TRIM55: variants seen among roughly 807,000 people sequenced by gnomAD.
TRIM55 encodes the protein tripartite motif-containing protein 55.
TRIM55 carries 50 observed loss-of-function variants against 60.9 expected under a neutral mutation model. That is an observed-to-expected ratio of 0.82 (90% CI 0.65 to 1.04). TRIM55 has a LOEUF of 1.04. Among genes scored for constraint, TRIM55 ranks in the 50% least tolerant of loss-of-function variants. TRIM55 has a pLI of 0.00. For synonymous variants in TRIM55, 237 were observed against 238.1 expected, an observed-to-expected ratio of 1.00 and a Z score of 0.04; for missense variants, 681 against 666.9, an observed-to-expected ratio of 1.02 and a Z score of -0.23.
At chr8:66,150,927 A>C (rs1035475824) in intron 7 of TRIM55, among the ~76,000 whole-genome samples, 25 of 152,178 alleles carry the variant, frequency 1.6e-4, no homozygotes, top group African/African-American at 5.8e-4. Context: ...TGGCCTCCCA[A>C]AGTGCTGGGA....
chr8:66,126,973 C>T, upstream of TRIM55: 1 of 279,810 alleles, frequency 3.6e-6, no homozygotes, highest in African/African-American at 2.2e-5. Flanking sequence ...TCCTCCTTCC[C>T]ACCCACTCTC....
In TRIM55 at chr8:66,157,518, C is replaced by T. The variant is rs554899072; in HGVS notation, c.1524+3184C>T. On this transcript the variant is annotated intron_variant, in intron 9 of 9. Transcript: ENST00000315962. ...GTTAGAGTGCTAGAATTTCACATTT[C>T]ATCACTAGGCTTACCTTGAGTATTT... 1.2e-4 allele frequency among the ~76,000 whole-genome samples: 18 copies of T among 152,316 alleles called. No homozygotes were observed. The South Asian group carries it at 3.7e-3, about 32-fold the overall frequency.
chr8:66,165,800 A>G (rs969394819), intron 9 of TRIM55, among the ~76,000 whole-genome samples: 8 of 152,208 alleles, frequency 5.3e-5, no homozygotes, highest in Non-Finnish European at 8.8e-5. Flanking sequence ...ATAAGAAGCT[A>G]TGGTAGTGAG....
intron 8 of TRIM55, 59 bp from the exon 9 acceptor site, chr8:66,153,988 T>A: frequency 6.7e-7 from 1 of 1,502,282 alleles, no homozygotes; most frequent in Non-Finnish European, 9.0e-7. Context: ...TCAACTGCTT[T>A]TTCTTCTTCT....
Position 66,130,543 on chromosome 8 carries a change from G to C in TRIM55, c.341+2067G>C, listed in dbSNP as rs77412380. Among the ~76,000 whole-genome samples the C allele has an allele frequency of 8.1e-3, 1,164 of 143,046 alleles. 7 individuals are homozygous for C. Among genetic ancestry groups the C allele is most frequent in the African/African-American group, 0.03 (1,116 of 37,180 alleles). 93.8% of individuals were successfully genotyped at this position (143,046 alleles called of 152,430 possible). On this transcript the variant is annotated intron_variant, in intron 2 of 9. Coordinates refer to ENST00000315962, the MANE Select transcript of TRIM55 (RefSeq NM_184085.2). Reference sequence around the variant, plus strand: ...TATACAGAATGAAAAGAGTTCAGCTGTGGCTATTGGAAGGGGGTCGGGGGG... The same window carrying C: ...TATACAGAATGAAAAGAGTTCAGCTCTGGCTATTGGAAGGGGGTCGGGGGG...
chr8:66,113,620 CT>C, the TRIM55 span: 1 of 455,906 alleles, frequency 2.2e-6, no homozygotes, highest in Non-Finnish European at 4.4e-6. Context: ...GCCATTCGCC[CT>C]GCGGGAACGT....
At chr8:66,149,549 A>G (rs1286166555) in intron 4 of TRIM55, 96 bp from the exon 5 acceptor site, 7 of 966,258 alleles carry the variant, frequency 7.2e-6, no homozygotes, top group Middle Eastern at 2.2e-4. Flanking sequence ...AATATCCTAC[A>G]TAAGTAAATG....
the TRIM55 span, among the ~76,000 whole-genome samples, chr8:66,118,775 C>T: frequency 6.6e-6 from 1 of 152,164 alleles, no homozygotes; most frequent in African/African-American, 2.4e-5. Flanking sequence ...GGACTGATAA[C>T]AGAGCCTGGT....
Position 66,174,645 on chromosome 8 carries a change from C to A in TRIM55, c.*52C>A. The A allele has an allele frequency of 1.3e-6, 2 of 1,503,796 alleles. No individual in the cohort carries two copies. The highest frequency in any genetic ancestry group is 1.8e-6 in the Non-Finnish European group (2 of 1,129,268). 93.2% of individuals were successfully genotyped at this position (1,503,796 alleles called of 1,614,324 possible). A position where few individuals can be genotyped will look rare whatever the true frequency, so the allele number is the denominator to read the frequency against. On this transcript the variant is annotated 3_prime_UTR_variant, in exon 10 of 10. Coordinates refer to ENST00000315962, the MANE Select transcript of TRIM55 (RefSeq NM_184085.2). Reference sequence around the variant, plus strand: ...TCTGCCTGGCTGAGATGCATGTGGGCAGCAGGAAGCCCAAGTGAAATTAAT... The same window carrying A: ...TCTGCCTGGCTGAGATGCATGTGGGAAGCAGGAAGCCCAAGTGAAATTAAT...
At chr8:66,157,601 G>C (rs1237642578) in intron 9 of TRIM55, among the ~76,000 whole-genome samples, 2 of 152,156 alleles carry the variant, frequency 1.3e-5, no homozygotes, top group Non-Finnish European at 2.9e-5. Context: ...TTTACTAGGT[G>C]GTCCCGTGTC....
At chr8:66,113,898 G>C in the TRIM55 span, among the ~76,000 whole-genome samples, 8 of 152,220 alleles carry the variant, frequency 5.3e-5, no homozygotes, top group Admixed American at 5.2e-4. Context: ...CTGGGAATCA[G>C]AAAGAGAGAA....
intron 9 of TRIM55, 69 bp downstream of exon 9, chr8:66,154,403 C>A: frequency 1.3e-6 from 2 of 1,517,474 alleles, no homozygotes; most frequent in Admixed American, 2.0e-5. Context: ...CAGGCCACAG[C>A]AAGAAGAAAA....
At chr8:66,144,045 T>C (rs1461852840) in intron 4 of TRIM55, among the ~76,000 whole-genome samples, 2 of 152,228 alleles carry the variant, frequency 1.3e-5, no homozygotes, top group Non-Finnish European at 2.9e-5. Flanking sequence ...CTCTTTACAG[T>C]TGCATATTTT....
chr8:66,157,984 G>A (rs1443556157), intron 9 of TRIM55, among the ~76,000 whole-genome samples: 1 of 152,166 alleles, frequency 6.6e-6, no homozygotes, highest in Non-Finnish European at 1.5e-5. Context: ...GAAAAAGCAA[G>A]GTTTGGATTC....
At position 66,127,244 on chromosome 8, in the gene TRIM55, C is replaced by A; in HGVS notation, c.-25C>A. On this transcript the variant is annotated 5_prime_UTR_variant, in exon 1 of 10. Coordinates refer to ENST00000315962, the MANE Select transcript of TRIM55 (RefSeq NM_184085.2). ...AGCCACTCGCAGCACCCTTCCCTGG[C>A]AGCACACTTGGGGACAGCGAGGAGA... 6.2e-7 allele frequency: 1 copy of A among 1,603,806 alleles called. No homozygotes were observed. The highest frequency in any genetic ancestry group is 1.3e-5 in the African/African-American group (1 of 74,802).
At chr8:66,120,340 C>A in the TRIM55 span, among the ~76,000 whole-genome samples, 3 of 152,232 alleles carry the variant, frequency 2.0e-5, no homozygotes, top group Middle Eastern at 3.4e-3. Context: ...TAGAATTTCC[C>A]GAGTGACAGA....
At chr8:66,133,902 TAC>T (rs1563365634) in intron 2 of TRIM55, among the ~76,000 whole-genome samples, 1 of 152,092 alleles carries the variant, frequency 6.6e-6, no homozygotes, top group Non-Finnish European at 1.5e-5. Context: ...CGGATATATA[TAC>T]ACACACATAT....
intron 9 of TRIM55, among the ~76,000 whole-genome samples, chr8:66,170,338 C>T (rs1032581207): frequency 2.0e-5 from 3 of 152,152 alleles, no homozygotes; most frequent in African/African-American, 4.8e-5. Context: ...ATATAATATT[C>T]GTCCCTTTGT....
At chr8:66,136,084 A>T (rs902845893) in intron 3 of TRIM55, among the ~76,000 whole-genome samples, 10 of 152,242 alleles carry the variant, frequency 6.6e-5, no homozygotes, top group Middle Eastern at 3.2e-3. Flanking sequence ...AGTCCTAAAG[A>T]AACAGATTTT....
Sources: allele counts gnomAD v4.1 joint callset (sites outside exome capture counted in the v4.1 genomes callset), GRCh38; gene constraint gnomAD v4.1.1; transcripts MANE v1.5; gene names NCBI Gene and HGNC (gene_info 2026-07-23, HGNC 2026-07-21).